The following DGKB variants were observed in gnomAD, a reference collection of about 807,000 sequenced individuals.
The protein encoded by DGKB is 90 kDa diacylglycerol kinase.
In DGKB, 67 loss-of-function variants were observed where a neutral mutation model predicts 114.3. The ratio of observed to expected loss-of-function variants is 0.59; its 90% CI spans 0.48 to 0.72. DGKB has a LOEUF of 0.72. Ranked by LOEUF, DGKB falls within the 30% of genes least tolerant of loss-of-function variation. The pLI is 0.00. For missense variants in DGKB, 907 were observed against 975.2 expected (o/e 0.93, Z 0.93); for synonymous variants, 398 against 323.1 (o/e 1.23, Z -2.49).
chr7:14,411,859 G>T (rs903799091), intron 21 of DGKB, among the ~76,000 whole-genome samples: 9 of 152,202 alleles, frequency 5.9e-5, no homozygotes, highest in Non-Finnish European at 1.2e-4. Flanking sequence ...AAATATAGGG[G>T]CATTGGTTTA....
intron 23 of DGKB, chr7:14,209,591 A>G (rs1787420256): frequency 2.1e-6 from 1 of 471,560 alleles, no homozygotes; most frequent in Admixed American, 2.4e-5. Context: ...CACATTCAGC[A>G]AAATCTGCCC....
At chr7:14,224,130 C>G (rs1238043504) in intron 23 of DGKB, among the ~76,000 whole-genome samples, 1 of 151,764 alleles carries the variant, frequency 6.6e-6, no homozygotes, top group South Asian at 2.1e-4. Flanking sequence ...CCTGCTTCCT[C>G]CTATCTTTAT....
chr7:14,665,386 G>A (rs1250480150), intron 13 of DGKB, among the ~76,000 whole-genome samples: 1 of 151,844 alleles, frequency 6.6e-6, no homozygotes, highest in African/African-American at 2.4e-5. Flanking sequence ...GGTGGGAGGA[G>A]GAAGAGGATG....
chr7:14,163,628 T>G (rs1784219131), intron 25 of DGKB, among the ~76,000 whole-genome samples: 1 of 152,228 alleles, frequency 6.6e-6, no homozygotes, highest in Admixed American at 6.5e-5. Flanking sequence ...AGTCTGCTCA[T>G]GCCAGTATGT....
chr7:14,401,640 T>A (rs1359681689), intron 21 of DGKB, among the ~76,000 whole-genome samples: 1 of 151,846 alleles, frequency 6.6e-6, no homozygotes, highest in Non-Finnish European at 1.5e-5. Flanking sequence ...ATGTTAGGGG[T>A]ATCAGTGCTT....
chr7:14,165,190 G>A (rs1419510687), intron 25 of DGKB, among the ~76,000 whole-genome samples: 1 of 152,126 alleles, frequency 6.6e-6, no homozygotes, highest in Non-Finnish European at 1.5e-5. Flanking sequence ...TTCTGTTAAA[G>A]TGCTAGGAAA....
chr7:14,799,920 C>T (rs1293360977), intron 2 of DGKB, among the ~76,000 whole-genome samples: 1 of 151,386 alleles, frequency 6.6e-6, no homozygotes, highest in Non-Finnish European at 1.5e-5. Context: ...TTCTCCTTTT[C>T]TTTTCTTTTT....
chr7:14,647,186 C>T (rs1294664076), intron 13 of DGKB, among the ~76,000 whole-genome samples: 2 of 152,040 alleles, frequency 1.3e-5, no homozygotes, highest in African/African-American at 4.8e-5. Context: ...AACAACTATA[C>T]ACTACCACAC....
intron 21 of DGKB, among the ~76,000 whole-genome samples, chr7:14,372,804 T>G (rs1817869842): frequency 6.6e-6 from 1 of 152,172 alleles, no homozygotes; most frequent in African/African-American, 2.4e-5. Flanking sequence ...TCTAGAAGGA[T>G]TTATTCAAGT....
At chr7:14,625,529 AAG>A (rs1808419963) in intron 14 of DGKB, among the ~76,000 whole-genome samples, 1 of 152,188 alleles carries the variant, frequency 6.6e-6, no homozygotes, top group South Asian at 2.1e-4. Context: ...AAGTTTCAGA[AAG>A]AGCTCACCAA....
chr7:14,549,807 T>A (rs1383829739), intron 20 of DGKB, among the ~76,000 whole-genome samples: 1 of 152,000 alleles, frequency 6.6e-6, no homozygotes, highest in Non-Finnish European at 1.5e-5. Context: ...GCCAACATAG[T>A]GAAACCCCGT....
intron 2 of DGKB, among the ~76,000 whole-genome samples, chr7:14,815,966 G>A (rs577467365): frequency 1.2e-4 from 18 of 152,292 alleles, no homozygotes; most frequent in Admixed American, 1.2e-3. Context: ...CACGCTGCAA[G>A]CTGTTATAAT....
Position 14,413,238 on chromosome 7 carries a change from G to T in DGKB, c.1835+64923C>A, listed in dbSNP as rs141171846. On this transcript the variant is annotated intron_variant, in intron 21 of 25. Coordinates refer to ENST00000402815, the MANE Select transcript of DGKB (RefSeq NM_001350709.2). ...ATACGCCATTTCAGCATCCCAGATG[G>T]GGCCAGGCACAGAAACAGACTGATG... Among the ~76,000 whole-genome samples the T allele has an allele frequency of 2.6e-4, 40 of 152,062 alleles. 1 individual carries two copies. In the East Asian group the frequency reaches 7.4e-3, roughly 28 times the overall value.
intron 17 of DGKB, among the ~76,000 whole-genome samples, chr7:14,592,452 A>C (rs1460691240): frequency 1.3e-5 from 2 of 151,992 alleles, no homozygotes. Flanking sequence ...ACACAGTTAC[A>C]TACTATATTA....
intron 23 of DGKB, among the ~76,000 whole-genome samples, chr7:14,227,055 C>G (rs912086923): frequency 6.6e-6 from 1 of 151,904 alleles, no homozygotes; most frequent in Non-Finnish European, 1.5e-5. Flanking sequence ...ATTTTTTTGT[C>G]TGTTTGTTTT....
intron 2 of DGKB, among the ~76,000 whole-genome samples, chr7:14,793,713 A>G (rs572326892): frequency 1.3e-5 from 2 of 152,262 alleles, no homozygotes; most frequent in East Asian, 3.9e-4. Context: ...ATGAGAAATT[A>G]TCCTATTACA....
intron 17 of DGKB, among the ~76,000 whole-genome samples, chr7:14,592,156 A>G (rs1449559783): frequency 1.3e-5 from 2 of 151,826 alleles, no homozygotes; most frequent in East Asian, 3.9e-4. Context: ...ACTTAGAGGA[A>G]ATCAGTGTGA....
intron 23 of DGKB, among the ~76,000 whole-genome samples, chr7:14,194,086 T>A (rs180895506): frequency 6.6e-6 from 1 of 152,166 alleles, no homozygotes; most frequent in Non-Finnish European, 1.5e-5. Context: ...GGAACACTTA[T>A]ATGCTGTTGG....
intron 21 of DGKB, among the ~76,000 whole-genome samples, chr7:14,418,349 A>G (rs1296634383): frequency 3.6e-5 from 5 of 137,156 alleles, no homozygotes; most frequent in Non-Finnish European, 4.6e-5. Flanking sequence ...ACACACATAT[A>G]TTCACATATA....
Sources: allele counts gnomAD v4.1 joint callset (sites outside exome capture counted in the v4.1 genomes callset), GRCh38; gene constraint gnomAD v4.1.1; transcripts MANE v1.5; gene names NCBI Gene and HGNC (gene_info 2026-07-23, HGNC 2026-07-21).